Variants in BABAM2 observed in about 807,000 individuals in gnomAD.
The protein encoded by BABAM2 is BRISC and BRCA1 A complex member 2.
A neutral mutation model predicts 54.7 loss-of-function variants in BABAM2; 31 were observed. The observed-to-expected ratio is 0.57, with a 90% CI of 0.43 to 0.77. The LOEUF is 0.77. BABAM2 is among the 30% of genes least tolerant of loss of function. The probability of loss-of-function intolerance (pLI) is 0.00; values close to 1 mark genes in which losing one functional copy is unlikely to be tolerated. For missense variants in BABAM2, 364 were observed against 455.8 expected, an observed-to-expected ratio of 0.80 and a Z score of 1.83; for synonymous variants, 167 against 162.9, an observed-to-expected ratio of 1.03 and a Z score of -0.19.
At chr2:28,196,103 G>A (rs1219099241) in intron 7 of BABAM2, among the ~76,000 whole-genome samples, 6 of 152,088 alleles carry the variant, frequency 3.9e-5, no homozygotes, top group East Asian at 1.9e-4. Flanking sequence ...CGAGGCAGGC[G>A]GATCACGAGG....
chr2:28,193,771 C>A (rs1181906488), intron 7 of BABAM2, among the ~76,000 whole-genome samples: 1 of 152,192 alleles, frequency 6.6e-6, no homozygotes, highest in Non-Finnish European at 1.5e-5. Flanking sequence ...TTTTTTCTCT[C>A]TTCCTCTTTT....
chr2:28,183,892 GT>G (rs1675945871), intron 7 of BABAM2, among the ~76,000 whole-genome samples: 1 of 152,070 alleles, frequency 6.6e-6, no homozygotes, highest in Non-Finnish European at 1.5e-5. Context: ...TTCCATAGTT[GT>G]TTTTCGTCTC....
intron 3 of BABAM2, among the ~76,000 whole-genome samples, chr2:27,958,007 G>GCCAGCCC (rs1324551197): frequency 1.3e-5 from 2 of 152,144 alleles, no homozygotes; most frequent in Admixed American, 1.3e-4. Context: ...TTTTATCTTG[G>GCCAGCCC]AGGTTTCCCA....
chr2:28,066,374 T>C (rs1663569419), intron 6 of BABAM2, among the ~76,000 whole-genome samples: 1 of 152,074 alleles, frequency 6.6e-6, no homozygotes, highest in South Asian at 2.1e-4. Flanking sequence ...GTATATTGTT[T>C]GGGAATATTA....
chr2:28,156,922 C>T (rs1672594251), intron 7 of BABAM2, among the ~76,000 whole-genome samples: 1 of 152,174 alleles, frequency 6.6e-6, no homozygotes. Context: ...ATTCACCATT[C>T]AATTTAATTG....
At chr2:28,220,011 G>A (rs1450592833) in intron 7 of BABAM2, among the ~76,000 whole-genome samples, 1 of 152,098 alleles carries the variant, frequency 6.6e-6, no homozygotes, top group Admixed American at 6.5e-5. Context: ...TCAGCACCTG[G>A]GCCTGTTTCT....
chr2:27,925,059 C>T (rs1366140763), intron 2 of BABAM2, among the ~76,000 whole-genome samples: 1 of 152,198 alleles, frequency 6.6e-6, no homozygotes, highest in Non-Finnish European at 1.5e-5. Context: ...AGAATCCCTG[C>T]ACCTAACTGG....
intron 3 of BABAM2, among the ~76,000 whole-genome samples, chr2:27,980,298 T>A (rs1671907330): frequency 6.6e-6 from 1 of 152,180 alleles, no homozygotes; most frequent in Non-Finnish European, 1.5e-5. Context: ...TGTGTTCATA[T>A]CATCTGCTCC....
intron 5 of BABAM2, among the ~76,000 whole-genome samples, chr2:28,026,929 T>A (rs7421495): frequency 2.0e-3 from 26 of 13,250 alleles, no homozygotes; most frequent in South Asian, 8.9e-3. Flanking sequence ...TATATATAAA[T>A]ATATATATAA....
intron 5 of BABAM2, among the ~76,000 whole-genome samples, chr2:28,040,828 T>C (rs553634376): frequency 2.6e-5 from 4 of 152,338 alleles, no homozygotes; most frequent in African/African-American, 7.2e-5. Flanking sequence ...CAAAAATTTA[T>C]ATTAGTCCTG....
At chr2:28,012,534 T>G (rs963908565) in intron 4 of BABAM2, among the ~76,000 whole-genome samples, 1 of 152,176 alleles carries the variant, frequency 6.6e-6, no homozygotes, top group South Asian at 2.1e-4. Flanking sequence ...CAAATAGATT[T>G]GATTTTGTAT....
chr2:28,044,723 G>T (rs1458559917), intron 5 of BABAM2, among the ~76,000 whole-genome samples: 5 of 152,164 alleles, frequency 3.3e-5, no homozygotes, highest in Non-Finnish European at 7.4e-5. Flanking sequence ...TTAAAGAGCG[G>T]GAACTCTTTG....
intron 4 of BABAM2, among the ~76,000 whole-genome samples, chr2:28,022,290 C>G (rs908124317): frequency 2.0e-5 from 3 of 152,156 alleles, no homozygotes; most frequent in African/African-American, 7.2e-5. Flanking sequence ...AGTGCCAGTT[C>G]GTTGGTTCAA....
chr2:28,121,940 C>T (rs1013949990), intron 6 of BABAM2, among the ~76,000 whole-genome samples: 5 of 152,160 alleles, frequency 3.3e-5, no homozygotes, highest in South Asian at 2.1e-4. Context: ...CTTGGTCAGG[C>T]GCAGTGACTC....
At chr2:28,302,246 A>G (rs1177070816) in intron 11 of BABAM2, among the ~76,000 whole-genome samples, 4 of 152,056 alleles carry the variant, frequency 2.6e-5, no homozygotes, top group Admixed American at 2.6e-4. Flanking sequence ...GGAAAACCCC[A>G]TCTCTACTAA....
upstream of BABAM2, among the ~76,000 whole-genome samples, chr2:27,889,247 G>T (rs1170129559): frequency 6.6e-6 from 1 of 152,146 alleles, no homozygotes; most frequent in African/African-American, 2.4e-5. Flanking sequence ...AGGTGGTTTG[G>T]TGCAGCAATT....
intron 1 of BABAM2, among the ~76,000 whole-genome samples, chr2:27,894,248 G>A (rs1002690635): frequency 2.6e-5 from 4 of 152,110 alleles, no homozygotes; most frequent in Admixed American, 2.0e-4. Context: ...ACCACTTTGA[G>A]TAGAGTGTGG....
At chr2:28,281,642 G>C (rs114966284) in intron 10 of BABAM2, among the ~76,000 whole-genome samples, 1 of 152,206 alleles carries the variant, frequency 6.6e-6, no homozygotes, top group Non-Finnish European at 1.5e-5. Context: ...TATTTCGGAC[G>C]TGTAGTATAA....
intron 10 of BABAM2, among the ~76,000 whole-genome samples, chr2:28,283,296 G>T (rs1204867973): frequency 6.6e-6 from 1 of 152,198 alleles, no homozygotes; most frequent in Non-Finnish European, 1.5e-5. Flanking sequence ...ACGGAGAGTT[G>T]ATTTCTTGGG....
Sources: gnomAD v4.1 joint callset for allele counts (sites outside exome capture counted in the v4.1 genomes callset) on GRCh38, gnomAD v4.1.1 for gene constraint, MANE v1.5 for transcripts, NCBI Gene and HGNC (gene_info 2026-07-23, HGNC 2026-07-21) for gene names.